The following GPC5 variants were observed in gnomAD, a reference collection of about 807,000 sequenced individuals.
GPC5 encodes glypican-5.
A neutral mutation model predicts 53.9 loss-of-function variants in GPC5; 47 were observed. The observed-to-expected ratio is 0.87, with a 90% CI of 0.69 to 1.11. The LOEUF (loss-of-function observed/expected upper bound fraction) is 1.11. Among genes scored for constraint, GPC5 ranks in the 50% most tolerant of loss-of-function variants. GPC5 has a pLI of 0.00. For synonymous variants in GPC5, 286 were observed against 263.3 expected, an observed-to-expected ratio of 1.09 and a Z score of -0.84; for missense variants, 748 against 713.1, an observed-to-expected ratio of 1.05 and a Z score of -0.56.
chr13:91,399,311 C>A, intron 1 of GPC5, 102 bp downstream of exon 1: 2 of 1,374,284 alleles, frequency 1.5e-6, no homozygotes, highest in Non-Finnish European at 2.0e-6. Flanking sequence ...ACCTTTCGGG[C>A]CCTGCAGCCG....
chr13:91,833,958 CTGTT>C (rs1417726318), intron 5 of GPC5, among the ~76,000 whole-genome samples: 1 of 152,136 alleles, frequency 6.6e-6, no homozygotes, highest in Non-Finnish European at 1.5e-5. Context: ...CAGATTGTCT[CTGTT>C]TGCAGATGTC....
At chr13:92,811,908 A>G (rs1474249747) in intron 7 of GPC5, among the ~76,000 whole-genome samples, 1 of 151,950 alleles carries the variant, frequency 6.6e-6, no homozygotes. Flanking sequence ...AAATCAATTG[A>G]CCATAAATGT....
chr13:92,210,946 G>T (rs549906623), intron 7 of GPC5, among the ~76,000 whole-genome samples: 3 of 152,178 alleles, frequency 2.0e-5, no homozygotes, highest in Non-Finnish European at 1.5e-5. Context: ...TGTAATGAAG[G>T]CTTTTGTTTT....
At chr13:91,607,749 A>G (rs2033419525) in intron 2 of GPC5, among the ~76,000 whole-genome samples, 1 of 152,192 alleles carries the variant, frequency 6.6e-6, no homozygotes, top group African/African-American at 2.4e-5. Flanking sequence ...TTTTCCCTGA[A>G]AGACAATCAC....
intron 7 of GPC5, among the ~76,000 whole-genome samples, chr13:92,530,640 A>G (rs1881530339): frequency 6.6e-6 from 1 of 152,164 alleles, no homozygotes; most frequent in South Asian, 2.1e-4. Flanking sequence ...GGCCCAAGGC[A>G]TTATCTCTAA....
At chr13:91,551,614 T>C (rs1203303236) in intron 2 of GPC5, among the ~76,000 whole-genome samples, 1 of 152,122 alleles carries the variant, frequency 6.6e-6, no homozygotes, top group Non-Finnish European at 1.5e-5. Flanking sequence ...AAAAATGTAT[T>C]GTACAATGGG....
At chr13:92,417,627 C>T (rs1312807681) in intron 7 of GPC5, among the ~76,000 whole-genome samples, 1 of 152,122 alleles carries the variant, frequency 6.6e-6, no homozygotes, top group Non-Finnish European at 1.5e-5. Flanking sequence ...AGTCCCAGCA[C>T]TTTGGGAGGA....
chr13:92,698,313 CCT>C lies in GPC5; in HGVS notation c.1562-167963_1562-167962del, dbSNP rs371487236. Among the ~76,000 whole-genome samples the C allele has an allele frequency of 8.1e-4, 123 of 152,174 alleles. 1 individual carries two copies. In the South Asian group the frequency reaches 0.022, roughly 27 times the overall value. On this transcript the variant is annotated intron_variant, in intron 7 of 7. Transcript: ENST00000377067. The stretch of plus-strand genomic sequence containing the variant: ...GTGTATCTCCTAATGCTATCCCGCC[CCT>C]CTCTCCCCACCCCACAACAGGCACT...
At chr13:91,527,498 C>T (rs998036488) in intron 2 of GPC5, among the ~76,000 whole-genome samples, 1 of 152,222 alleles carries the variant, frequency 6.6e-6, no homozygotes, top group African/African-American at 2.4e-5. Context: ...CCCACAGCTG[C>T]TTTCACAGCT....
intron 2 of GPC5, among the ~76,000 whole-genome samples, chr13:91,507,412 C>G (rs894333665): frequency 6.6e-6 from 1 of 152,118 alleles, no homozygotes; most frequent in Non-Finnish European, 1.5e-5. Flanking sequence ...CTGGGGAGGC[C>G]TAACAATCAT....
chr13:92,411,581 T>A (rs953558029), intron 7 of GPC5, among the ~76,000 whole-genome samples: 1 of 152,194 alleles, frequency 6.6e-6, no homozygotes, highest in Non-Finnish European at 1.5e-5. Context: ...GACACTTGAC[T>A]TTGTCCTAAG....
chr13:92,184,103 C>A (rs1332173212), intron 7 of GPC5, among the ~76,000 whole-genome samples: 22 of 151,654 alleles, frequency 1.5e-4, no homozygotes, highest in Admixed American at 1.4e-3. Flanking sequence ...CTGTCTTTTG[C>A]TTATGGTGTA....
intron 6 of GPC5, among the ~76,000 whole-genome samples, chr13:92,005,401 C>T (rs2138762341): frequency 6.6e-6 from 1 of 152,220 alleles, no homozygotes; most frequent in East Asian, 1.9e-4. Context: ...GGCTACAGCC[C>T]TCTTGATTCT....
chr13:92,233,765 G>C (rs1023941048), intron 7 of GPC5, among the ~76,000 whole-genome samples: 6 of 152,026 alleles, frequency 3.9e-5, no homozygotes, highest in African/African-American at 7.2e-5. Flanking sequence ...CCATTAACTC[G>C]TCATTTAACA....
intron 7 of GPC5, among the ~76,000 whole-genome samples, chr13:92,863,776 A>T (rs1421646389): frequency 6.6e-6 from 1 of 152,144 alleles, no homozygotes; most frequent in Admixed American, 6.5e-5. Context: ...TACAGGTGTG[A>T]GCCACTGCTC....
intron 7 of GPC5, among the ~76,000 whole-genome samples, chr13:92,698,582 TG>T (rs2139245246): frequency 1.3e-5 from 2 of 152,350 alleles, no homozygotes; most frequent in African/African-American, 4.8e-5. Flanking sequence ...ACATTCGGGT[TG>T]GTTCCAAGTC....
At chr13:92,220,909 C>A (rs1005805982) in intron 7 of GPC5, among the ~76,000 whole-genome samples, 1 of 152,094 alleles carries the variant, frequency 6.6e-6, no homozygotes, top group Non-Finnish European at 1.5e-5. Flanking sequence ...CTGTTGTAGA[C>A]TCTTTAATGT....
At chr13:91,876,108 C>T (rs557881080) in intron 5 of GPC5, among the ~76,000 whole-genome samples, 1 of 152,160 alleles carries the variant, frequency 6.6e-6, no homozygotes, top group Non-Finnish European at 1.5e-5. Flanking sequence ...GTAAGAAGTG[C>T]CTTTCACCTT....
At chr13:92,157,673 A>G (rs2041954990) in intron 7 of GPC5, among the ~76,000 whole-genome samples, 1 of 152,228 alleles carries the variant, frequency 6.6e-6, no homozygotes, top group African/African-American at 2.4e-5. Context: ...TTTAGTCAAC[A>G]TAAAGGAAAT....
Sources: allele counts gnomAD v4.1 joint callset (sites outside exome capture counted in the v4.1 genomes callset), GRCh38; gene constraint gnomAD v4.1.1; transcripts MANE v1.5; gene names NCBI Gene and HGNC (gene_info 2026-07-23, HGNC 2026-07-21).